BBX: variants seen among roughly 807,000 people sequenced by gnomAD.
BBX encodes HMG box transcription factor BBX.
In BBX, 30 loss-of-function variants were observed where a neutral mutation model predicts 100.2. The ratio of observed to expected loss-of-function variants is 0.30; its 90% CI spans 0.22 to 0.41. The LOEUF (loss-of-function observed/expected upper bound fraction) is 0.41, where lower values mean the gene tolerates loss of function less well. Among genes scored for constraint, BBX ranks in the 10% least tolerant of loss-of-function variants. The pLI is 1.00. For missense variants in BBX, 1,023 were observed against 1,129.8 expected (o/e 0.91, Z 1.35); for synonymous variants, 376 against 388.1 (o/e 0.97, Z 0.37).
At chr3:107,792,139 G>T (rs569633547) in intron 15 of BBX, among the ~76,000 whole-genome samples, 1 of 152,160 alleles carries the variant, frequency 6.6e-6, no homozygotes, top group Non-Finnish European at 1.5e-5. Flanking sequence ...GTTAAGCATT[G>T]AGCCCTTAGG....
chr3:107,708,683 A>AG (rs1257317135), intron 3 of BBX, among the ~76,000 whole-genome samples: 1 of 152,018 alleles, frequency 6.6e-6, no homozygotes, highest in Non-Finnish European at 1.5e-5. Context: ...CAAAAAAAAA[A>AG]AAAAAAATTA....
chr3:107,592,877 A>G (rs577071603), intron 2 of BBX, among the ~76,000 whole-genome samples: 3 of 152,282 alleles, frequency 2.0e-5, no homozygotes, highest in East Asian at 3.9e-4. Context: ...TTTTTTTAAG[A>G]TCAAGGTCAA....
intron 2 of BBX, among the ~76,000 whole-genome samples, chr3:107,582,356 T>C (rs1427689717): frequency 2.0e-5 from 3 of 151,130 alleles, no homozygotes; most frequent in African/African-American, 7.3e-5. Flanking sequence ...ATCCATACAA[T>C]ATTTACAAAA....
At chr3:107,798,227 T>G (rs926645686) in intron 15 of BBX, among the ~76,000 whole-genome samples, 2 of 152,244 alleles carry the variant, frequency 1.3e-5, no homozygotes, top group Non-Finnish European at 2.9e-5. Context: ...GGACATAATT[T>G]ACTCAGATTT....
chr3:107,587,930 C>T (rs1461019194), intron 2 of BBX, among the ~76,000 whole-genome samples: 2 of 152,154 alleles, frequency 1.3e-5, no homozygotes, highest in African/African-American at 2.4e-5. Context: ...ACATGGAATC[C>T]CTACCTTTAG....
chr3:107,591,741 G>T (rs2053330911), intron 2 of BBX, among the ~76,000 whole-genome samples: 1 of 152,154 alleles, frequency 6.6e-6, no homozygotes, highest in South Asian at 2.1e-4. Context: ...TCCCACCTTG[G>T]CCTCCCAAGT....
intron 10 of BBX, among the ~76,000 whole-genome samples, chr3:107,768,900 G>A (rs1004769869): frequency 6.7e-6 from 1 of 149,122 alleles, no homozygotes; most frequent in Non-Finnish European, 1.5e-5. Context: ...GCACATGCCT[G>A]TACTTCCAGC....
At chr3:107,700,002 A>G (rs1048660167) in intron 3 of BBX, among the ~76,000 whole-genome samples, 1 of 151,980 alleles carries the variant, frequency 6.6e-6, no homozygotes, top group Non-Finnish European at 1.5e-5. Context: ...GAGGCTGTGA[A>G]CAAATGACAC....
At chr3:107,530,554 A>T (rs551641890) in intron 2 of BBX, among the ~76,000 whole-genome samples, 1 of 152,350 alleles carries the variant, frequency 6.6e-6, no homozygotes, top group Non-Finnish European at 1.5e-5. Context: ...TTCAGGGAAT[A>T]AAACAAACTC....
rs545780424 is a variant in BBX at position 107,663,670 on chromosome 3, C to T, written c.-10+17761C>T. 2.6e-5 allele frequency among the ~76,000 whole-genome samples: 4 copies of T among 152,104 alleles called. No homozygotes were observed. The South Asian group carries it at 8.3e-4, about 32-fold the overall frequency. ...AACAACTATTTTTCCTGCTCAACAT[C>T]GTATTTGACTCATTCCTGCTTGTCT... On this transcript the variant is annotated intron_variant, in intron 3 of 17. Transcript: ENST00000325805.
intron 3 of BBX, among the ~76,000 whole-genome samples, chr3:107,707,405 T>C (rs1018522057): frequency 2.6e-5 from 4 of 152,246 alleles, no homozygotes; most frequent in African/African-American, 9.6e-5. Context: ...TGAATCATCA[T>C]CACAATTTGG....
intron 3 of BBX, among the ~76,000 whole-genome samples, chr3:107,657,485 A>T (rs942501866): frequency 1.3e-5 from 2 of 152,184 alleles, no homozygotes; most frequent in Non-Finnish European, 2.9e-5. Context: ...ACCTGAATCA[A>T]TTTAGAAACT....
intron 5 of BBX, among the ~76,000 whole-genome samples, chr3:107,723,780 T>C (rs2062714115): frequency 6.6e-6 from 1 of 152,206 alleles, no homozygotes; most frequent in Non-Finnish European, 1.5e-5. Flanking sequence ...ATGGTGTATA[T>C]GTGCCACATT....
rs147286875 is a variant in BBX, at chr3:107,683,476, G to A, written c.-9-26976G>A. ...AAGGAAAACTTCAGGGTATTATAAG[G>A]ATTTATTTGTGATCACATTTGCCTG... On this transcript the variant is annotated intron_variant, in intron 3 of 17. Coordinates refer to ENST00000325805, the MANE Select transcript of BBX (RefSeq NM_001142568.3). Among the ~76,000 whole-genome samples the A allele has an allele frequency of 5.7e-3, 861 of 152,170 alleles. 8 individuals carry two copies. Among genetic ancestry groups the A allele is most frequent in the African/African-American group, 0.019 (779 of 41,526 alleles).
chr3:107,587,345 CAAA>C (rs1329577363), intron 2 of BBX, among the ~76,000 whole-genome samples: 9 of 93,850 alleles, frequency 9.6e-5, no homozygotes, highest in Admixed American at 2.4e-4. Flanking sequence ...ACCCTGTCTC[CAAA>C]AAAAAAAAAA....
intron 15 of BBX, among the ~76,000 whole-genome samples, chr3:107,797,119 A>T (rs1438156872): frequency 6.6e-6 from 1 of 151,946 alleles, no homozygotes; most frequent in Non-Finnish European, 1.5e-5. Flanking sequence ...CTTTCTTTTG[A>T]AACATCTTTT....
intron 2 of BBX, among the ~76,000 whole-genome samples, chr3:107,531,342 T>G (rs1210023971): frequency 6.6e-6 from 1 of 152,224 alleles, no homozygotes; most frequent in African/African-American, 2.4e-5. Flanking sequence ...CCTCTATTGC[T>G]TATTAGTTGC....
chr3:107,747,684 G>A (rs2064740475), intron 8 of BBX, among the ~76,000 whole-genome samples: 1 of 148,734 alleles, frequency 6.7e-6, no homozygotes, highest in African/African-American at 2.5e-5. Context: ...GGAAATTTAT[G>A]TCAACAGGTC....
intron 5 of BBX, among the ~76,000 whole-genome samples, chr3:107,724,466 A>C (rs2062772269): frequency 6.6e-6 from 1 of 151,936 alleles, no homozygotes; most frequent in Non-Finnish European, 1.5e-5. Context: ...GGTGTTTTAG[A>C]CATGAAGTCC....
Sources: gnomAD v4.1 joint callset for allele counts (sites outside exome capture counted in the v4.1 genomes callset) on GRCh38, gnomAD v4.1.1 for gene constraint, MANE v1.5 for transcripts, NCBI Gene and HGNC (gene_info 2026-07-23, HGNC 2026-07-21) for gene names.